ABCC9: variants seen among roughly 807,000 people sequenced by gnomAD.
ABCC9 encodes ATP binding cassette subfamily C member 9, also known as ATP-binding cassette sub-family C member 9.
Under a neutral mutation model 188.3 loss-of-function variants are expected in ABCC9, and 95 were observed. That is an observed-to-expected ratio of 0.50 (90% CI 0.43 to 0.60). ABCC9 has a LOEUF of 0.60. Ranked by LOEUF, ABCC9 falls within the 20% of genes least tolerant of loss-of-function variation. The pLI is 0.00. For synonymous variants in ABCC9, 659 were observed against 652.7 expected (o/e 1.01, Z -0.15); for missense variants, 1,102 against 1,876.3 (o/e 0.59, Z 7.62).
intron 12 of ABCC9, among the ~76,000 whole-genome samples, chr12:21,896,079 C>CTTTTTTTTTTTTTTTTTT (rs5796933): frequency 7.8e-6 from 1 of 128,046 alleles, no homozygotes; most frequent in African/African-American, 2.9e-5. Flanking sequence ...ATCTAATTTT[C>CTTTTTTTTTTTTTTTTTT]TTTTTTTTTT....
At chr12:21,845,385 ATTTC>A (rs1489067818) in intron 26 of ABCC9, among the ~76,000 whole-genome samples, 1 of 152,100 alleles carries the variant, frequency 6.6e-6, no homozygotes, top group Non-Finnish European at 1.5e-5. Context: ...ATATTTAAAT[ATTTC>A]TTATGATAAA....
intron 18 of ABCC9, among the ~76,000 whole-genome samples, chr12:21,867,211 C>T (rs976436984): frequency 2.0e-5 from 3 of 152,114 alleles, no homozygotes; most frequent in Non-Finnish European, 4.4e-5. Context: ...CCAGAGACTA[C>T]CTATTCCGGC....
intron 12 of ABCC9, among the ~76,000 whole-genome samples, chr12:21,899,899 A>C (rs1947633328): frequency 6.6e-6 from 1 of 152,188 alleles, no homozygotes; most frequent in African/African-American, 2.4e-5. Context: ...GCATAGCCAA[A>C]CAAAAGGCAG....
At chr12:21,859,795 G>A in intron 21 of ABCC9, 129 bp from the exon 22 acceptor site, 1 of 810,178 alleles carries the variant, frequency 1.2e-6, no homozygotes, top group East Asian at 2.5e-5. Flanking sequence ...TTAAATTGTA[G>A]TAACATTGGT....
At chr12:21,836,577 C>T (rs1238492467) in intron 30 of ABCC9, among the ~76,000 whole-genome samples, 1 of 152,180 alleles carries the variant, frequency 6.6e-6, no homozygotes, top group Non-Finnish European at 1.5e-5. Flanking sequence ...ACCCTGCTCT[C>T]TGACACAGTT....
At chr12:21,893,975 A>T in intron 14 of ABCC9, 57 bp downstream of exon 14, 2 of 1,566,964 alleles carry the variant, frequency 1.3e-6, no homozygotes, top group Non-Finnish European at 1.8e-6. Context: ...TACTCCTATT[A>T]GCACACGTCA....
intron 31 of ABCC9, among the ~76,000 whole-genome samples, chr12:21,824,835 A>G (rs2161062): frequency 0.14 from 20,602 of 152,054 alleles, 1,595 homozygotes; most frequent in Middle Eastern, 0.27. Context: ...ATTAGTGGTG[A>G]TATCCCCTTT....
At chr12:21,882,687 G>T in intron 16 of ABCC9, 79 bp downstream of exon 16, 1 of 1,272,400 alleles carries the variant, frequency 7.9e-7, no homozygotes, top group Non-Finnish European at 1.1e-6. Context: ...CACAATTTGG[G>T]ACACTTTCAC....
rs146016120 is a variant in ABCC9 at position 21,913,912 on chromosome 12, A to T, written c.817-846T>A. On this transcript the variant is annotated intron_variant, in intron 7 of 39. Coordinates refer to ENST00000261200, the MANE Select transcript of ABCC9 (RefSeq NM_020297.4). ...AATTTGTTTTCCAAAGTTTATGTAG[A>T]CGTTAACACACCAAGTTCAAGCTAA... 7.8e-4 allele frequency among the ~76,000 whole-genome samples: 119 copies of T among 152,286 alleles called. 1 individual carries two copies. The highest frequency in any genetic ancestry group is 3.1e-3 in the South Asian group (15 of 4,826).
chr12:21,809,800 T>C (rs1942106728), intron 37 of ABCC9, 52 bp downstream of exon 37: 1 of 1,041,246 alleles, frequency 9.6e-7, no homozygotes, highest in South Asian at 1.3e-5. Flanking sequence ...GATAGACATA[T>C]GTAGGATTAA....
At chr12:21,848,409 G>T (rs1407012755) in intron 24 of ABCC9, among the ~76,000 whole-genome samples, 163 bp from the exon 25 acceptor site, 1 of 152,060 alleles carries the variant, frequency 6.6e-6, no homozygotes. Flanking sequence ...CAGCTGTGGG[G>T]GCAGAACCTT....
chr12:21,824,122 GTATT>G (rs1263669754), intron 31 of ABCC9, among the ~76,000 whole-genome samples: 7 of 152,276 alleles, frequency 4.6e-5, no homozygotes, highest in Admixed American at 3.9e-4. Flanking sequence ...AGAAAGCGCT[GTATT>G]TTTTTAAAAA....
At chr12:21,921,862 T>C (rs954290380) in intron 5 of ABCC9, among the ~76,000 whole-genome samples, 1 of 151,974 alleles carries the variant, frequency 6.6e-6, no homozygotes, top group Admixed American at 6.6e-5. Flanking sequence ...TGGCCCTTTT[T>C]AAAAGATAAC....
At chr12:21,866,251 T>A (rs942666328) in intron 18 of ABCC9, among the ~76,000 whole-genome samples, 1 of 152,136 alleles carries the variant, frequency 6.6e-6, no homozygotes, top group African/African-American at 2.4e-5. Flanking sequence ...AGCTTGAACT[T>A]TTCCTAAAAG....
intron 16 of ABCC9, among the ~76,000 whole-genome samples, 197 bp from the exon 17 acceptor site, chr12:21,875,923 A>G (rs187017257): frequency 2.1e-3 from 314 of 152,204 alleles, no homozygotes; most frequent in African/African-American, 7.2e-3. Context: ...TCTCTACTAA[A>G]AATACAAAAA....
intron 4 of ABCC9, among the ~76,000 whole-genome samples, chr12:21,929,218 TTAAA>T (rs1196454666): frequency 1.3e-5 from 2 of 151,922 alleles, no homozygotes; most frequent in African/African-American, 2.4e-5. Context: ...CTAATACTAA[TTAAA>T]TATTTATAAA....
At chr12:21,885,992 A>G (rs1946857633) in intron 15 of ABCC9, among the ~76,000 whole-genome samples, 1 of 152,068 alleles carries the variant, frequency 6.6e-6, no homozygotes, top group Admixed American at 6.6e-5. Flanking sequence ...ATATATTCAT[A>G]TTTTTTCTAA....
chr12:21,824,697 A>T (rs1229320927), intron 31 of ABCC9, among the ~76,000 whole-genome samples: 1 of 152,062 alleles, frequency 6.6e-6, no homozygotes, highest in African/African-American at 2.4e-5. Flanking sequence ...CAGGGATTCG[A>T]CTTCTTCCTA....
intron 12 of ABCC9, among the ~76,000 whole-genome samples, chr12:21,897,318 A>G (rs1947476359): frequency 6.6e-6 from 1 of 152,070 alleles, no homozygotes; most frequent in African/African-American, 2.4e-5. Flanking sequence ...GATATTAGAC[A>G]ATTTTCAGAT....
Sources: allele counts gnomAD v4.1 joint callset (sites outside exome capture counted in the v4.1 genomes callset), GRCh38; gene constraint gnomAD v4.1.1; transcripts MANE v1.5; gene names NCBI Gene and HGNC (gene_info 2026-07-23, HGNC 2026-07-21).